Variants in WDFY2 observed in about 807,000 individuals in gnomAD.
The protein encoded by WDFY2 is WD repeat and FYVE domain containing 2.
A neutral mutation model predicts 56.4 loss-of-function variants in WDFY2; 36 were observed. That is an observed-to-expected ratio of 0.64 (90% CI 0.49 to 0.84). WDFY2 has a LOEUF of 0.84. WDFY2 is among the 40% of genes least tolerant of loss of function. WDFY2 has a pLI of 0.00. For synonymous variants in WDFY2, 176 were observed against 183.7 expected (o/e 0.96, Z 0.34); for missense variants, 444 against 512.2 (o/e 0.87, Z 1.29).
intron 1 of WDFY2, among the ~76,000 whole-genome samples, chr13:51,647,091 A>G (rs1955276323): frequency 6.6e-6 from 1 of 152,182 alleles, no homozygotes; most frequent in Non-Finnish European, 1.5e-5. Flanking sequence ...AGCCTACGAG[A>G]GGATGTATGT....
intron 1 of WDFY2, among the ~76,000 whole-genome samples, chr13:51,598,087 T>C (rs557919516): frequency 8.7e-4 from 132 of 152,186 alleles, no homozygotes; most frequent in Middle Eastern, 3.4e-3. Context: ...GGGGCAGGTG[T>C]GGTGGCTCAC....
At chr13:51,632,300 C>G (rs1160279936) in intron 1 of WDFY2, among the ~76,000 whole-genome samples, 1 of 151,972 alleles carries the variant, frequency 6.6e-6, no homozygotes, top group Non-Finnish European at 1.5e-5. Context: ...TTGCCAAGCT[C>G]TGAATGAATA....
intron 7 of WDFY2, among the ~76,000 whole-genome samples, chr13:51,745,590 G>T (rs1456070704): frequency 6.6e-6 from 1 of 151,984 alleles, no homozygotes; most frequent in African/African-American, 2.4e-5. Context: ...AGATAGCCCA[G>T]AAAAGTGTGC....
At chr13:51,739,774 T>A (rs1952926378) in intron 7 of WDFY2, among the ~76,000 whole-genome samples, 2 of 152,196 alleles carry the variant, frequency 1.3e-5, no homozygotes, top group African/African-American at 4.8e-5. Context: ...AGATGTCCGG[T>A]CCCTGTCTGC....
chr13:51,689,958 G>A (rs1398676257), intron 3 of WDFY2, among the ~76,000 whole-genome samples: 1 of 152,010 alleles, frequency 6.6e-6, no homozygotes, highest in Non-Finnish European at 1.5e-5. Context: ...TCTAAGAAAT[G>A]TGCAAATTGT....
chr13:51,698,307 G>C (rs1566143050), intron 3 of WDFY2, among the ~76,000 whole-genome samples: 1 of 152,148 alleles, frequency 6.6e-6, no homozygotes, highest in Non-Finnish European at 1.5e-5. Context: ...ATCAAAGGAA[G>C]AATACATCAG....
chr13:51,657,714 T>G (rs952593284), intron 1 of WDFY2, among the ~76,000 whole-genome samples: 2 of 152,220 alleles, frequency 1.3e-5, no homozygotes, highest in Admixed American at 1.3e-4. Context: ...CTGTCTCTTC[T>G]GACTCTCAAA....
At chr13:51,615,247 A>C in intron 1 of WDFY2, among the ~76,000 whole-genome samples, 1 of 152,246 alleles carries the variant, frequency 6.6e-6, no homozygotes, top group Admixed American at 6.5e-5. Context: ...AAAAAAGCTA[A>C]CCCTATTAAA....
intron 6 of WDFY2, among the ~76,000 whole-genome samples, chr13:51,732,778 TAGTC>T (rs1475225552): frequency 1.3e-5 from 2 of 152,196 alleles, no homozygotes; most frequent in Non-Finnish European, 2.9e-5. Flanking sequence ...TTGTCATCCA[TAGTC>T]AGTCATCCGC....
chr13:51,712,888 T>G (rs989016464), intron 4 of WDFY2, among the ~76,000 whole-genome samples: 17 of 152,266 alleles, frequency 1.1e-4, no homozygotes, highest in African/African-American at 3.6e-4. Flanking sequence ...ATTTTAAAAA[T>G]CTTTGAAAAA....
Position 51,584,501 on chromosome 13 carries a change from GGTGCCT to G in WDFY2, c.-185_-180del. ...TTGCATCCCAGGTCGTGGCGGTTTT[GGTGCCT>G]GAAGCAGGGAGCGCGGAGTCGTTCC... is the stretch of plus-strand genomic sequence containing the variant. On this transcript the variant is annotated 5_prime_UTR_variant, in exon 1 of 12. Transcript: ENST00000298125. 1.3e-6 allele frequency: 1 copy of G among 744,692 alleles called. No individual in the cohort carries two copies. The highest frequency in any genetic ancestry group is 2.0e-6 in the Non-Finnish European group (1 of 489,558). 46.1% of individuals were successfully genotyped at this position (744,692 alleles called of 1,614,324 possible). A position where few individuals can be genotyped will look rare whatever the true frequency, so the allele number is the denominator to read the frequency against.
At chr13:51,588,877 A>G (rs1188360290) in intron 1 of WDFY2, 1 of 152,166 alleles carries the variant, frequency 6.6e-6, no homozygotes, top group Non-Finnish European at 1.5e-5. Context: ...CTTTTTCTGG[A>G]TAAAAAGGCC....
At chr13:51,754,697 C>T (rs1040696678) in intron 8 of WDFY2, among the ~76,000 whole-genome samples, 7 of 152,064 alleles carry the variant, frequency 4.6e-5, no homozygotes, top group Non-Finnish European at 1.0e-4. Context: ...TTGTTATTTC[C>T]GTATTGATTT....
rs781583870 is a variant in WDFY2 at position 51,616,093 on chromosome 13, C to T, written c.137+31269C>T. On this transcript the variant is annotated intron_variant, in intron 1 of 11. Transcript: ENST00000298125. The stretch of plus-strand genomic sequence containing the variant: ...ACCTCATCTTTATAAAGACATTAGT[C>T]GAGCTCAGTAGTGCATGTTCCTAGT... 3.9e-5 allele frequency among the ~76,000 whole-genome samples: 6 copies of T among 152,192 alleles called. No homozygotes were observed. In the East Asian group the frequency reaches 5.8e-4, roughly 15 times the overall value.
At chr13:51,672,204 C>T (rs554653343) in intron 2 of WDFY2, among the ~76,000 whole-genome samples, 11 of 152,180 alleles carry the variant, frequency 7.2e-5, no homozygotes, top group Non-Finnish European at 1.3e-4. Flanking sequence ...GTCTTTGGTT[C>T]ATCTTGAGTT....
At chr13:51,615,819 G>A (rs536378595) in intron 1 of WDFY2, among the ~76,000 whole-genome samples, 10 of 152,164 alleles carry the variant, frequency 6.6e-5, no homozygotes, top group Admixed American at 3.3e-4. Flanking sequence ...TAAGAGATTT[G>A]GTTATTTTTT....
chr13:51,693,433 G>A (rs1331201544), intron 3 of WDFY2, among the ~76,000 whole-genome samples: 7 of 151,316 alleles, frequency 4.6e-5, no homozygotes, highest in Non-Finnish European at 8.8e-5. Flanking sequence ...CCTTCATTTC[G>A]TTATGTACCC....
At chr13:51,651,270 T>C (rs1395248991) in intron 1 of WDFY2, among the ~76,000 whole-genome samples, 1 of 152,212 alleles carries the variant, frequency 6.6e-6, no homozygotes, top group African/African-American at 2.4e-5. Context: ...ATCCCCTTTA[T>C]CATTTTTTAT....
At position 51,766,300 on chromosome 13, in the gene WDFY2, C is replaced by T. The variant is rs1953746492; in HGVS notation, c.*6531C>T. 6.6e-6 allele frequency: 1 copy of T among 152,256 alleles called. No homozygotes were observed. The highest frequency in any genetic ancestry group is 1.5e-5 in the Non-Finnish European group (1 of 68,042). The allele number at this position is 152,256 out of a possible 1,614,324, so 9.4% of individuals were successfully genotyped here. A position where few individuals can be genotyped will look rare whatever the true frequency, so the allele number is the denominator to read the frequency against. On this transcript the variant is annotated 3_prime_UTR_variant, in exon 12 of 12. Coordinates refer to ENST00000298125, the MANE Select transcript of WDFY2 (RefSeq NM_052950.4). ...GACAACAGGGAAGGTGCTGGCCCCA[C>T]ATTAGTGCCTGCCCACCGCTCTACT...
Sources: allele counts gnomAD v4.1 joint callset (sites outside exome capture counted in the v4.1 genomes callset), GRCh38; gene constraint gnomAD v4.1.1; transcripts MANE v1.5; gene names NCBI Gene and HGNC (gene_info 2026-07-23, HGNC 2026-07-21).